ANO3: variants seen among roughly 807,000 people sequenced by gnomAD.
The protein encoded by ANO3 is anoctamin-3.
Under a neutral mutation model 144.8 loss-of-function variants are expected in ANO3, and 99 were observed. That is an observed-to-expected ratio of 0.68 (90% CI 0.58 to 0.81). ANO3 has a LOEUF of 0.81. Ranked by LOEUF, ANO3 falls within the 30% of genes least tolerant of loss-of-function variation. The pLI, the probability that ANO3 is intolerant of heterozygous loss-of-function variation, is 0.00. For synonymous variants in ANO3, 414 were observed against 392.6 expected, an observed-to-expected ratio of 1.05 and a Z score of -0.64; for missense variants, 905 against 1,202.2, an observed-to-expected ratio of 0.75 and a Z score of 3.66.
chr11:26,192,532 G>A (rs1851498083), intron 1 of ANO3, among the ~76,000 whole-genome samples: 1 of 152,090 alleles, frequency 6.6e-6, no homozygotes, highest in Non-Finnish European at 1.5e-5. Context: ...CAAAAACAGT[G>A]TTTATACCTT....
At chr11:26,193,850 T>C (rs555473982) in intron 1 of ANO3, among the ~76,000 whole-genome samples, 21 of 152,276 alleles carry the variant, frequency 1.4e-4, no homozygotes, top group African/African-American at 3.4e-4. Flanking sequence ...AGGATTCCCA[T>C]GTAAATTAAC....
At chr11:26,484,844 G>T (rs925847746) in intron 4 of ANO3, among the ~76,000 whole-genome samples, 13 of 152,222 alleles carry the variant, frequency 8.5e-5, no homozygotes, top group African/African-American at 3.1e-4. Context: ...CCTTTCATCA[G>T]TGTGGCCAAG....
intron 1 of ANO3, among the ~76,000 whole-genome samples, chr11:26,316,942 C>G (rs1400779725): frequency 6.6e-6 from 1 of 152,182 alleles, no homozygotes; most frequent in Non-Finnish European, 1.5e-5. Context: ...TAATCAGGAG[C>G]ATTTCATCTT....
chr11:26,309,996 A>G (rs1854471035), intron 1 of ANO3, among the ~76,000 whole-genome samples: 1 of 152,180 alleles, frequency 6.6e-6, no homozygotes, highest in Non-Finnish European at 1.5e-5. Context: ...ACCATTTAAG[A>G]AAGTATTTAC....
intron 3 of ANO3, among the ~76,000 whole-genome samples, chr11:26,445,445 A>C (rs1161704072): frequency 6.6e-6 from 1 of 152,194 alleles, no homozygotes; most frequent in Non-Finnish European, 1.5e-5. Flanking sequence ...CAAATATTAA[A>C]AAGCACTTTC....
At chr11:26,409,383 A>G (rs905140733) in intron 1 of ANO3, among the ~76,000 whole-genome samples, 1 of 151,944 alleles carries the variant, frequency 6.6e-6, no homozygotes, top group Non-Finnish European at 1.5e-5. Flanking sequence ...TGTAGTATTT[A>G]CATGTTTTCA....
intron 1 of ANO3, among the ~76,000 whole-genome samples, chr11:26,415,702 A>G (rs1857565541): frequency 6.6e-6 from 1 of 152,136 alleles, no homozygotes; most frequent in Non-Finnish European, 1.5e-5. Context: ...AAACCTATCA[A>G]GGAGCAGTGA....
At chr11:26,223,861 G>C (rs948004474) in intron 1 of ANO3, among the ~76,000 whole-genome samples, 5 of 152,056 alleles carry the variant, frequency 3.3e-5, no homozygotes, top group African/African-American at 1.2e-4. Flanking sequence ...CTGGTAGAGA[G>C]AGAAGTCACT....
chr11:26,548,765 A>G (rs889418890), intron 12 of ANO3, among the ~76,000 whole-genome samples: 16 of 151,866 alleles, frequency 1.1e-4, no homozygotes, highest in African/African-American at 3.9e-4. Context: ...AACCCATTTC[A>G]TCTAGTCTTG....
At chr11:26,219,750 A>G (rs1197762340) in intron 1 of ANO3, among the ~76,000 whole-genome samples, 2 of 152,184 alleles carry the variant, frequency 1.3e-5, no homozygotes, top group Non-Finnish European at 1.5e-5. Context: ...AAGCAAATGT[A>G]TTACTTACAG....
chr11:26,589,382 GA>G (rs1270269808), intron 14 of ANO3, among the ~76,000 whole-genome samples: 3 of 143,176 alleles, frequency 2.1e-5, no homozygotes, highest in African/African-American at 7.5e-5. Context: ...TACAAAGAAA[GA>G]AGGAGAAAAA....
intron 3 of ANO3, among the ~76,000 whole-genome samples, chr11:26,458,778 T>TA (rs1465410313): frequency 6.6e-6 from 1 of 152,076 alleles, no homozygotes; most frequent in Non-Finnish European, 1.5e-5. Context: ...TCACTGCACT[T>TA]ATAGCACTTA....
chr11:26,429,328 G>A (rs907566758), intron 1 of ANO3, among the ~76,000 whole-genome samples: 4 of 152,006 alleles, frequency 2.6e-5, no homozygotes, highest in African/African-American at 9.7e-5. Context: ...ATGAGATCAA[G>A]GGATATCACT....
At chr11:26,202,198 T>A (rs1252244172) in intron 1 of ANO3, among the ~76,000 whole-genome samples, 2 of 147,696 alleles carry the variant, frequency 1.4e-5, no homozygotes, top group Non-Finnish European at 3.0e-5. Context: ...TTTTAAGTTA[T>A]ATTATTTCCA....
At chr11:26,628,666 T>C (rs1202081015) in intron 18 of ANO3, among the ~76,000 whole-genome samples, 1 of 152,256 alleles carries the variant, frequency 6.6e-6, no homozygotes, top group East Asian at 1.9e-4. Flanking sequence ...CAGTTGTCTG[T>C]TGCCACATAG....
chr11:26,565,236 G>GT (rs1194128141), intron 14 of ANO3: 2 of 1,544,534 alleles, frequency 1.3e-6, no homozygotes. Flanking sequence ...CTGTAGAGTT[G>GT]TTTTTTCTTG....
chr11:26,425,026 A>G (rs551417306), intron 1 of ANO3, among the ~76,000 whole-genome samples: 2 of 151,594 alleles, frequency 1.3e-5, no homozygotes, highest in Admixed American at 1.3e-4. Context: ...TCCTAATGCT[A>G]TCCCTCCCCC....
intron 1 of ANO3, among the ~76,000 whole-genome samples, chr11:26,239,126 T>G (rs1290390763): frequency 6.6e-6 from 1 of 150,956 alleles, no homozygotes; most frequent in Non-Finnish European, 1.5e-5. Context: ...TGAAATTATT[T>G]ACCTAATAAA....
intron 3 of ANO3, chr11:26,460,081 T>C (rs1392503006): frequency 2.2e-6 from 1 of 453,966 alleles, no homozygotes; most frequent in South Asian, 1.6e-5. Flanking sequence ...ACATGAGACC[T>C]GGACCAAACA....
Sources: gnomAD v4.1 joint callset for allele counts (sites outside exome capture counted in the v4.1 genomes callset) on GRCh38, gnomAD v4.1.1 for gene constraint, MANE v1.5 for transcripts, NCBI Gene and HGNC (gene_info 2026-07-23, HGNC 2026-07-21) for gene names.